The following TELO2 variants were observed in gnomAD, a reference collection of about 807,000 sequenced individuals.
TELO2 encodes telomere length regulation protein TEL2 homolog.
A neutral mutation model predicts 91.0 loss-of-function variants in TELO2; 71 were observed. The ratio of observed to expected loss-of-function variants is 0.78; its 90% CI spans 0.64 to 0.95. TELO2 has a LOEUF of 0.95. Among genes scored for constraint, TELO2 ranks in the 40% least tolerant of loss-of-function variants. TELO2 has a pLI of 0.00. For synonymous variants in TELO2, 584 were observed against 518.9 expected (o/e 1.13, Z -1.71); for missense variants, 1,183 against 1,141.3 (o/e 1.04, Z -0.53).
chr16:1,497,139 C>G lies in TELO2; in HGVS notation c.682+35C>G. The G allele has an allele frequency of 6.2e-7, 1 of 1,611,972 alleles. No individual in the cohort carries two copies. On this transcript the variant is annotated intron_variant, in intron 4 of 20. Coordinates refer to ENST00000262319, the MANE Select transcript of TELO2 (RefSeq NM_016111.4). The surrounding 1 kb of genome is among the most constrained non-coding windows in gnomAD (Gnocchi z 4.0). Reference sequence around the variant, plus strand: ...GCAGTGCCTTCCTGCCCATCCTGCCCCGACCCTCACAGCCCATCAGCCTTC... The same window carrying G: ...GCAGTGCCTTCCTGCCCATCCTGCCGCGACCCTCACAGCCCATCAGCCTTC...
chr16:1,500,238 C>T, intron 7 of TELO2, 74 bp downstream of exon 7: 2 of 1,534,304 alleles, frequency 1.3e-6, no homozygotes, highest in Non-Finnish European at 1.8e-6. Flanking sequence ...TTTTGGGCGG[C>T]AGGGTGAGGC....
intron 15 of TELO2, among the ~76,000 whole-genome samples, chr16:1,504,242 C>T (rs1042768916): frequency 2.6e-5 from 4 of 151,338 alleles, no homozygotes; most frequent in African/African-American, 7.3e-5. Flanking sequence ...AGACCAGCCT[C>T]GCCAACATGG....
chr16:1,501,519 G>A lies in TELO2; in HGVS notation c.1361+20G>A, dbSNP rs753304833. 8.8e-6 allele frequency: 14 copies of A among 1,597,974 alleles called. No individual in the cohort carries two copies. The highest frequency in any genetic ancestry group is 4.5e-5 in the East Asian group (2 of 44,522). On this transcript the variant is annotated intron_variant, in intron 10 of 20. Transcript: ENST00000262319. ...GGCGGGGTGAGGGTCTCTGCCCCCC[G>A]GGACCCCACCGCGTGCACATCTTAC...
intron 9 of TELO2, 53 bp downstream of exon 9, chr16:1,500,752 G>T: frequency 6.3e-7 from 1 of 1,591,054 alleles, no homozygotes. Context: ...GGTCTCCCGA[G>T]CGGCTGCCTC....
Position 1,509,883 on chromosome 16 carries a change from C to T in TELO2, c.2461C>T (p.Leu821=), listed in dbSNP as rs750601650. Residue 821 remains leucine, a synonymous_variant, in exon 21 of 21, where the codon CTG becomes TTG. Transcript: ENST00000262319. ...CTGCAGGACGCTGGCACTGAGGGCC[C>T]TGCTGCTTCTGCAGAGACTCAAGAA... ...EDCRTLALRA[L]LLLQRLKNRL... 1 of 1,611,980 alleles carries T rather than the reference C, an allele frequency of 6.2e-7. No homozygotes were observed. Among genetic ancestry groups the T allele is most frequent in the South Asian group, 1.1e-5 (1 of 90,730 alleles).
At position 1,506,276 on chromosome 16, in the gene TELO2, A is replaced by G. The variant is rs770096836; in HGVS notation, c.2073A>G (p.Arg691=). The change falls in exon 17 of 21, where the codon AGA becomes AGG. Residue 691 remains arginine, a synonymous_variant. Transcript: ENST00000262319. The part of the protein sequence containing the change: ...PRQGPAGSPS[R]FNSVAGHFFF... ...AGGGCCCGGCAGGCAGCCCCAGCAG[A>G]TTCAACTCCGTGGCCGGCCACTTCT... is the stretch of plus-strand genomic sequence containing the variant. The G allele has an allele frequency of 6.2e-7, 1 of 1,613,844 alleles. No homozygotes were observed. The highest frequency in any genetic ancestry group is 2.2e-5 in the East Asian group (1 of 44,876).
At position 1,494,334 on chromosome 16, in the gene TELO2, C is replaced by T. The variant is rs777809177; in HGVS notation, c.53C>T (p.Ala18Val). 1 of 1,613,724 alleles carries T rather than the reference C, an allele frequency of 6.2e-7. No individual in the cohort carries two copies. Among genetic ancestry groups the T allele is most frequent in the Non-Finnish European group, 8.5e-7 (1 of 1,180,020 alleles). Reference protein sequence around the residue: ...VRLAVREAIHALSSSEDGGHI... With the variant: ...VRLAVREAIHVLSSSEDGGHI... ...CTCGCCGTCCGGGAAGCCATTCATG[C>T]CCTCTCGTCTTCGGAGGATGGCGGC... The change falls in exon 2 of 21, where the codon GCC (alanine) becomes GTC (valine). Residue 18 changes from alanine to valine, a missense_variant. Ala to Val is a moderately conservative substitution (Grantham distance 64). Coordinates refer to ENST00000262319, the MANE Select transcript of TELO2 (RefSeq NM_016111.4). This position sits in a 1 kb window ranked among gnomAD's most constrained non-coding sequence, Gnocchi z 5.6.
At position 1,501,471 on chromosome 16, in the gene TELO2, C is replaced by T; in HGVS notation, c.1333C>T (p.Pro445Ser). 2.5e-6 allele frequency: 4 copies of T among 1,611,414 alleles called. No homozygotes were observed. In the East Asian group the frequency reaches 8.9e-5, roughly 36 times the overall value. Residue 445 changes from proline (P) to serine (S), a missense_variant, in exon 10 of 21, where the codon CCT becomes TCT. Transcript: ENST00000262319. ...GCTGCTGGCCTTGGCCTCCCCCCAG[C>T]CTGCGGGTGACGGCGCCTCGGAGGC... ...LELLALASPQPAGDGASEAGT... is the reference protein window; with the variant it reads ...LELLALASPQSAGDGASEAGT...
At chr16:1,509,401 C>T (rs2040038630) in intron 20 of TELO2, among the ~76,000 whole-genome samples, 1 of 152,210 alleles carries the variant, frequency 6.6e-6, no homozygotes, top group African/African-American at 2.4e-5. Flanking sequence ...GCACTGCGGG[C>T]AGCCAAGAGC....
chr16:1,495,352 C>A lies in TELO2; in HGVS notation c.342C>A (p.Ser114Arg). Residue 114 changes from serine to arginine, a missense_variant, in exon 3 of 21, where the codon AGC (serine) becomes AGA (arginine). Physicochemically the swap from Ser to Arg is moderately radical, Grantham distance 110. Coordinates refer to ENST00000262319, the MANE Select transcript of TELO2 (RefSeq NM_016111.4). ...METIEGAAGP[S>R]FRLMKMARLL... is the part of the protein sequence containing the mutation. Reference sequence around the variant, plus strand: ...AACACGCCCGTATCTTCAGCCCCAGCTTCCGGCTGATGAAGATGGCGCGGC... The same window carrying A: ...AACACGCCCGTATCTTCAGCCCCAGATTCCGGCTGATGAAGATGGCGCGGC... 1 of 1,546,200 alleles carries A rather than the reference C, an allele frequency of 6.5e-7. No homozygotes were observed. The highest frequency in any genetic ancestry group is 2.4e-5 in the East Asian group (1 of 41,092).
chr16:1,507,429 T>G (rs569329479), intron 19 of TELO2, 59 bp downstream of exon 19: 1 of 1,594,382 alleles, frequency 6.3e-7, no homozygotes. Flanking sequence ...GGGGTCTTAT[T>G]GTGGGGGCCC....
Position 1,497,062 on chromosome 16 carries a change from G to T in TELO2, c.640G>T (p.Val214Leu). The change falls in exon 4 of 21, where the codon GTG (valine) becomes TTG (leucine). Residue 214 changes from valine (V) to leucine (L), a missense_variant. Val to Leu is a conservative substitution (Grantham distance 32, BLOSUM62 1). Transcript: ENST00000262319. The surrounding 1 kb of genome is among the most constrained non-coding windows in gnomAD (Gnocchi z 4.0). Reference sequence around the variant, plus strand: ...TGGCCTGGATTCCTCCGTGTCCTTCGTGTCTCAGGTCCTTGGGAAAGCCTG... The same window carrying T: ...TGGCCTGGATTCCTCCGTGTCCTTCTTGTCTCAGGTCCTTGGGAAAGCCTG... ...QGGLDSSVSF[V>L]SQVLGKACVH... 1 of 1,613,956 alleles carries T rather than the reference G, an allele frequency of 6.2e-7. No individual in the cohort carries two copies.
Position 1,507,036 on chromosome 16 carries a change from G to A in TELO2, c.2211G>A (p.Leu737=), listed in dbSNP as rs1033840601. Residue 737 remains leucine, a synonymous_variant, in exon 18 of 21, where the codon CTG becomes CTA. Transcript: ENST00000262319. ...LAHTLGALMC[L]AVNTTVAVAM... ...ACACCTTAGGGGCCCTGATGTGCCT[G>A]GCTGTTAACACCACGGTGAGCCGGG... 1.9e-6 allele frequency: 3 copies of A among 1,609,742 alleles called. No homozygotes were observed. Among genetic ancestry groups the A allele is most frequent in the Admixed American group, 3.4e-5 (2 of 59,630 alleles).
chr16:1,496,867 C>G (rs2039510681), intron 3 of TELO2, among the ~76,000 whole-genome samples, 169 bp from the exon 4 acceptor site: 1 of 152,230 alleles, frequency 6.6e-6, no homozygotes. Flanking sequence ...TCAGGTTCCA[C>G]GCACTCCTGT....
intron 20 of TELO2, among the ~76,000 whole-genome samples, chr16:1,507,992 A>T (rs1445820142): frequency 6.9e-5 from 10 of 145,050 alleles, no homozygotes; most frequent in South Asian, 2.2e-4. Flanking sequence ...ACACAGGCAG[A>T]GTGTGCAGGC....
At chr16:1,503,443 C>T (rs947314425) in intron 15 of TELO2, among the ~76,000 whole-genome samples, 3 of 152,152 alleles carry the variant, frequency 2.0e-5, no homozygotes, top group South Asian at 2.1e-4. Context: ...CCCAGTTACT[C>T]GGGAGGCTGG....
chr16:1,493,796 T>C lies in TELO2; in HGVS notation c.-37+191T>C, dbSNP rs1447557595. Among the ~76,000 whole-genome samples, 14 of 152,146 alleles carry C rather than the reference T, an allele frequency of 9.2e-5. No individual in the cohort carries two copies. Among genetic ancestry groups the C allele is most frequent in the Non-Finnish European group, 4.4e-5 (3 of 68,004 alleles). On this transcript the variant is annotated intron_variant, in intron 1 of 20. Coordinates refer to ENST00000262319, the MANE Select transcript of TELO2 (RefSeq NM_016111.4). This position sits in a 1 kb window ranked among gnomAD's most constrained non-coding sequence, Gnocchi z 4.3. Reference sequence around the variant, plus strand: ...CCCCGAACCCGTGTTCCCCGTAAGCTGTTGGTTTCTAAGGGGCGGAGGAAT... The same window carrying C: ...CCCCGAACCCGTGTTCCCCGTAAGCCGTTGGTTTCTAAGGGGCGGAGGAAT...
intron 17 of TELO2, chr16:1,506,577 C>T (rs568043546): frequency 2.7e-5 from 38 of 1,412,000 alleles, no homozygotes; most frequent in African/African-American, 1.3e-4. Flanking sequence ...CCGGCAGTGC[C>T]GCCCGCACGT....
chr16:1,504,759 G>T (rs1435288891), intron 15 of TELO2, among the ~76,000 whole-genome samples: 7 of 151,682 alleles, frequency 4.6e-5, no homozygotes, highest in African/African-American at 1.5e-4. Flanking sequence ...GGGTTTCACT[G>T]TGTTAGCCAG....
Sources: gnomAD v4.1 joint callset for allele counts (sites outside exome capture counted in the v4.1 genomes callset) on GRCh38, gnomAD v4.1.1 for gene constraint, Gnocchi (gnomAD v3.1) non-coding constraint, MANE v1.5 for transcripts, NCBI Gene and HGNC (gene_info 2026-07-23, HGNC 2026-07-21) for gene names.